KIAA1217: variants seen among roughly 807,000 people sequenced by gnomAD.
The protein encoded by KIAA1217 is KIAA1217, also known as sickle tail protein homolog.
A neutral mutation model predicts 163.9 loss-of-function variants in KIAA1217; 88 were observed. The observed-to-expected ratio is 0.54, with a 90% confidence interval of 0.45 to 0.64. The LOEUF (loss-of-function observed/expected upper bound fraction) is 0.64, where lower values mean the gene tolerates loss of function less well. KIAA1217 is among the 30% of genes least tolerant of loss of function. The probability of loss-of-function intolerance (pLI) is 0.00; values close to 1 mark genes in which losing one functional copy is unlikely to be tolerated. For synonymous variants in KIAA1217, 903 were observed against 923.1 expected (o/e 0.98, Z 0.39); for missense variants, 2,372 against 2,475.0 (o/e 0.96, Z 0.88).
At chr10:24,535,155 C>G (rs991778667) in intron 16 of KIAA1217, among the ~76,000 whole-genome samples, 6 of 152,192 alleles carry the variant, frequency 3.9e-5, no homozygotes, top group African/African-American at 1.4e-4. Flanking sequence ...AATCGAGGGT[C>G]TAATAGCTCA....
intron 1 of KIAA1217, among the ~76,000 whole-genome samples, chr10:23,993,390 C>T (rs1230362465): frequency 6.6e-6 from 1 of 151,908 alleles, no homozygotes; most frequent in Non-Finnish European, 1.5e-5. Flanking sequence ...GTCTTGAGGA[C>T]TTTCATGGTC....
intron 2 of KIAA1217, among the ~76,000 whole-genome samples, chr10:24,105,346 A>G (rs140635119): frequency 5.9e-5 from 9 of 152,326 alleles, no homozygotes; most frequent in Admixed American, 2.0e-4. Context: ...GTTCAGCCAG[A>G]CGGAGTAGGT....
At position 24,380,929 on chromosome 10, in the gene KIAA1217, C is replaced by T. The variant is rs774369164; in HGVS notation, c.415C>T (p.His139Tyr). ...QPPSLGDPVE[H>Y]LSETSADSLE... is the part of the protein sequence containing the mutation. ...ACCCAGTCTGGGTGACCCGGTCGAG[C>T]ATTTATCAGAGACGTCCGCTGATTC... The change falls in exon 3 of 21, where the codon CAT (histidine) becomes TAT (tyrosine). Residue 139 changes from histidine to tyrosine, a missense_variant. Physicochemically the swap from His to Tyr is moderately conservative, Grantham distance 83. This residue lies in a region of KIAA1217 where 1,431 missense variants were observed against 1,470.3 expected (regional missense o/e 0.97). Transcript: ENST00000376454. 1 of 1,607,116 alleles carries T rather than the reference C, an allele frequency of 6.2e-7. No homozygotes were observed. The highest frequency in any genetic ancestry group is 1.1e-5 in the South Asian group (1 of 90,130).
intron 1 of KIAA1217, among the ~76,000 whole-genome samples, chr10:23,857,950 T>A (rs1839775769): frequency 6.7e-6 from 1 of 149,810 alleles, no homozygotes; most frequent in African/African-American, 2.5e-5. Flanking sequence ...AATATTTCAA[T>A]CTGGTTAAAA....
chr10:24,233,742 A>G (rs973273407), intron 2 of KIAA1217, among the ~76,000 whole-genome samples: 1 of 152,238 alleles, frequency 6.6e-6, no homozygotes, highest in Admixed American at 6.5e-5. Context: ...ACATTTATCT[A>G]TTCTGTATTC....
At chr10:24,403,849 TAAC>T (rs964318331) in intron 3 of KIAA1217, among the ~76,000 whole-genome samples, 1 of 152,148 alleles carries the variant, frequency 6.6e-6, no homozygotes. Context: ...AAAATAGAGA[TAAC>T]ACCCAATGCG....
chr10:24,148,496 A>G (rs1041103478), intron 2 of KIAA1217, among the ~76,000 whole-genome samples: 1 of 152,172 alleles, frequency 6.6e-6, no homozygotes, highest in Non-Finnish European at 1.5e-5. Flanking sequence ...TGGATCCCTC[A>G]TGAATAGTTT....
chr10:23,762,690 C>A (rs1437632787), intron 1 of KIAA1217, among the ~76,000 whole-genome samples: 1 of 152,154 alleles, frequency 6.6e-6, no homozygotes, highest in Non-Finnish European at 1.5e-5. Flanking sequence ...TGGAAGCATT[C>A]CCCTTGAAAA....
intron 3 of KIAA1217, among the ~76,000 whole-genome samples, chr10:24,432,626 T>C (rs1460210006): frequency 6.6e-6 from 1 of 152,076 alleles, no homozygotes; most frequent in East Asian, 1.9e-4. Context: ...CAGCTAATTT[T>C]TTTTTTTCCA....
chr10:24,391,121 T>A (rs1001310128), intron 3 of KIAA1217, among the ~76,000 whole-genome samples: 30 of 152,014 alleles, frequency 2.0e-4, no homozygotes, highest in Admixed American at 1.2e-3. Context: ...CCAAAAAAAA[T>A]ATATCTTCTA....
intron 3 of KIAA1217, among the ~76,000 whole-genome samples, chr10:24,417,171 A>G (rs1190885756): frequency 6.6e-6 from 1 of 152,016 alleles, no homozygotes; most frequent in South Asian, 2.1e-4. Context: ...AACTGCCCAC[A>G]CAGTCTTTCT....
chr10:23,724,273 G>A (rs1269967830), intron 1 of KIAA1217, among the ~76,000 whole-genome samples: 9 of 143,080 alleles, frequency 6.3e-5, no homozygotes, highest in Non-Finnish European at 4.6e-5. Flanking sequence ...TGCTTCTTAT[G>A]TATTTTTTTT....
chr10:24,043,790 G>C (rs532001149), intron 2 of KIAA1217, among the ~76,000 whole-genome samples: 1 of 151,974 alleles, frequency 6.6e-6, no homozygotes, highest in African/African-American at 2.4e-5. Flanking sequence ...TCCGAGGCTC[G>C]GTGCTTATTC....
At chr10:24,225,998 A>G (rs898301429) in intron 2 of KIAA1217, among the ~76,000 whole-genome samples, 1 of 152,216 alleles carries the variant, frequency 6.6e-6, no homozygotes, top group African/African-American at 2.4e-5. Flanking sequence ...AGAGGGGTAC[A>G]GAGCCACAGA....
At chr10:24,094,444 C>G (rs2062066882) in intron 2 of KIAA1217, among the ~76,000 whole-genome samples, 2 of 152,324 alleles carry the variant, frequency 1.3e-5, no homozygotes, top group African/African-American at 4.8e-5. Context: ...AGTTTTCCCT[C>G]TAACAGACAG....
chr10:24,460,033 C>G (rs2062218379), intron 5 of KIAA1217, among the ~76,000 whole-genome samples: 1 of 152,210 alleles, frequency 6.6e-6, no homozygotes. Flanking sequence ...CATCACCCTG[C>G]TGTGCCGACT....
Position 24,543,892 on chromosome 10 carries a change from CGG to C in KIAA1217, c.4623_4624del (p.Glu1542AlafsTer17). 5.0e-6 allele frequency: 8 copies of C among 1,614,022 alleles called. No homozygotes were observed. The highest frequency in any genetic ancestry group is 6.8e-6 in the Non-Finnish European group (8 of 1,180,014). On this transcript the variant is annotated frameshift_variant, in exon 19 of 21. Transcript: ENST00000376454. LOFTEE classifies it high-confidence loss of function. ...CCAGGAGGACAGGAAATGAACAGAACGGAGCTGAACAAGTTCAGCCACGTGGA... is the reference window on the plus strand; with the variant it reads ...CCAGGAGGACAGGAAATGAACAGAACAGCTGAACAAGTTCAGCCACGTGGA...
chr10:24,290,792 G>C (rs2079017355), intron 2 of KIAA1217, among the ~76,000 whole-genome samples: 1 of 151,898 alleles, frequency 6.6e-6, no homozygotes, highest in Non-Finnish European at 1.5e-5. Flanking sequence ...TAGTGAGACA[G>C]GGTTTCACCA....
At chr10:24,044,633 A>G (rs1157116925) in intron 2 of KIAA1217, among the ~76,000 whole-genome samples, 5 of 151,898 alleles carry the variant, frequency 3.3e-5, no homozygotes, top group African/African-American at 4.8e-5. Context: ...TTATTTGGGT[A>G]TTAAAATATT....
Sources: gnomAD v4.1 joint callset for allele counts (sites outside exome capture counted in the v4.1 genomes callset) on GRCh38, gnomAD v4.1.1 for gene constraint, gnomAD v4.1.1 regional missense constraint, MANE v1.5 for transcripts, NCBI Gene and HGNC (gene_info 2026-07-23, HGNC 2026-07-21) for gene names.